The following SLC24A3 variants were observed in gnomAD, a reference collection of about 807,000 sequenced individuals.
SLC24A3 encodes the protein solute carrier family 24 member 3, also known as sodium/potassium/calcium exchanger 3.
A neutral mutation model predicts 75.8 loss-of-function variants in SLC24A3; 28 were observed. That is an observed-to-expected ratio of 0.37 (90% CI 0.27 to 0.51). The LOEUF is 0.51. Among genes scored for constraint, SLC24A3 ranks in the 20% least tolerant of loss-of-function variants. SLC24A3 has a pLI of 0.94. For missense variants in SLC24A3, 663 were observed against 847.8 expected (o/e 0.78, Z 2.71); for synonymous variants, 372 against 334.1 (o/e 1.11, Z -1.24).
At chr20:19,290,820 C>T (rs1042017243) in intron 2 of SLC24A3, among the ~76,000 whole-genome samples, 5 of 152,180 alleles carry the variant, frequency 3.3e-5, no homozygotes, top group African/African-American at 1.2e-4. Context: ...GGGAGACCGC[C>T]AGCCACATGT....
chr20:19,578,861 G>A (rs1045384297), intron 3 of SLC24A3, among the ~76,000 whole-genome samples: 14 of 152,026 alleles, frequency 9.2e-5, no homozygotes, highest in African/African-American at 2.9e-4. Flanking sequence ...GATGTTATCC[G>A]GGGGCTTAGG....
chr20:19,530,686 G>A (rs1274047772), intron 3 of SLC24A3, among the ~76,000 whole-genome samples: 1 of 152,208 alleles, frequency 6.6e-6, no homozygotes, highest in African/African-American at 2.4e-5. Context: ...TCCATCCCTA[G>A]ACAGCAGGGA....
At chr20:19,253,879 A>G (rs963435213) in intron 1 of SLC24A3, among the ~76,000 whole-genome samples, 1 of 152,228 alleles carries the variant, frequency 6.6e-6, no homozygotes, top group African/African-American at 2.4e-5. Context: ...GTCCTCTTCC[A>G]TGGTCCAGTC....
chr20:19,442,679 T>C (rs1323685879), intron 2 of SLC24A3, among the ~76,000 whole-genome samples: 2 of 152,202 alleles, frequency 1.3e-5, no homozygotes, highest in African/African-American at 4.8e-5. Context: ...CTGAGCAGTG[T>C]CTTTCACAAA....
At chr20:19,274,787 C>T (rs568102752) in intron 1 of SLC24A3, among the ~76,000 whole-genome samples, 7 of 152,300 alleles carry the variant, frequency 4.6e-5, no homozygotes, top group Non-Finnish European at 8.8e-5. Context: ...CTGCAGAAGG[C>T]GTCCGCTGGC....
At chr20:19,473,330 T>A (rs1987905503) in intron 2 of SLC24A3, among the ~76,000 whole-genome samples, 1 of 152,154 alleles carries the variant, frequency 6.6e-6, no homozygotes, top group Non-Finnish European at 1.5e-5. Flanking sequence ...AACAGAGGCT[T>A]GGGGTTTATG....
At position 19,364,276 on chromosome 20, in the gene SLC24A3, C is replaced by T. The variant is rs376005228; in HGVS notation, c.271+83189C>T. Among the ~76,000 whole-genome samples the T allele has an allele frequency of 3.7e-4, 57 of 152,206 alleles. No individual in the cohort carries two copies. In the South Asian group the frequency reaches 0.011, roughly 30 times the overall value. ...TGCTTCCACTTCAGCCAGCCGCCCCCCTCCCCTGAGTCTGATGGGACAGTC... is the reference window on the plus strand; with the variant it reads ...TGCTTCCACTTCAGCCAGCCGCCCCTCTCCCCTGAGTCTGATGGGACAGTC... On this transcript the variant is annotated intron_variant, in intron 2 of 16. Transcript: ENST00000328041.
chr20:19,719,630 A>C (rs1248096000), intron 16 of SLC24A3, among the ~76,000 whole-genome samples: 1 of 152,160 alleles, frequency 6.6e-6, no homozygotes, highest in Non-Finnish European at 1.5e-5. Context: ...GGGAAGGATG[A>C]GATGCCTGCT....
At chr20:19,393,991 G>C (rs1166141929) in intron 2 of SLC24A3, among the ~76,000 whole-genome samples, 2 of 152,164 alleles carry the variant, frequency 1.3e-5, no homozygotes, top group Non-Finnish European at 2.9e-5. Context: ...AAACAGTGTA[G>C]TACTTGTGTA....
intron 6 of SLC24A3, among the ~76,000 whole-genome samples, chr20:19,619,155 T>A (rs541224625): frequency 2.0e-5 from 3 of 152,284 alleles, no homozygotes; most frequent in East Asian, 3.9e-4. Flanking sequence ...GCTCAGCAAT[T>A]CCCTTACAGC....
intron 2 of SLC24A3, among the ~76,000 whole-genome samples, chr20:19,488,699 T>A (rs1245994168): frequency 2.0e-5 from 3 of 152,216 alleles, no homozygotes; most frequent in African/African-American, 4.8e-5. Context: ...GATTTTTTTT[T>A]ATTTTGAAAT....
chr20:19,411,731 T>C (rs748761336), intron 2 of SLC24A3, among the ~76,000 whole-genome samples: 10 of 152,370 alleles, frequency 6.6e-5, no homozygotes, highest in South Asian at 2.1e-4. Context: ...TTGTAGGTTA[T>C]GCTTTTGAAG....
intron 15 of SLC24A3, among the ~76,000 whole-genome samples, chr20:19,716,316 AG>A (rs1203811400): frequency 6.6e-6 from 1 of 152,062 alleles, no homozygotes; most frequent in Non-Finnish European, 1.5e-5. Context: ...TTGTCAGCCA[AG>A]TCAGCACCCC....
chr20:19,624,148 G>A (rs1156857565), intron 6 of SLC24A3, among the ~76,000 whole-genome samples: 1 of 152,142 alleles, frequency 6.6e-6, no homozygotes, highest in Non-Finnish European at 1.5e-5. Context: ...TTGTTTTCAA[G>A]TATTTTACCT....
intron 1 of SLC24A3, among the ~76,000 whole-genome samples, chr20:19,240,197 C>T (rs1176854881): frequency 1.3e-5 from 2 of 152,164 alleles, no homozygotes; most frequent in Admixed American, 6.5e-5. Flanking sequence ...GGCTTCAGGT[C>T]ACACTGCAAC....
At chr20:19,411,239 C>T (rs1244147262) in intron 2 of SLC24A3, among the ~76,000 whole-genome samples, 1 of 152,174 alleles carries the variant, frequency 6.6e-6, no homozygotes, top group African/African-American at 2.4e-5. Flanking sequence ...TGAATCTCCC[C>T]ATGTTCCCAA....
In SLC24A3 at chr20:19,708,156, C is replaced by T. The variant is rs187446756; in HGVS notation, c.1720-9372C>T. ...AGCAGCCAAGTATATCAGACCTTGT[C>T]CAAGGTCCTTCTTCTAAGGCCAGCG... On this transcript the variant is annotated intron_variant, in intron 15 of 16. Coordinates refer to ENST00000328041, the MANE Select transcript of SLC24A3 (RefSeq NM_020689.4). 3.9e-5 allele frequency among the ~76,000 whole-genome samples: 6 copies of T among 152,200 alleles called. No individual in the cohort carries two copies. The East Asian group carries it at 9.7e-4, about 25-fold the overall frequency.
At position 19,653,275 on chromosome 20, in the gene SLC24A3, C is replaced by T. The variant is rs376235533; in HGVS notation, c.613-787C>T. On this transcript the variant is annotated intron_variant, in intron 6 of 16. Coordinates refer to ENST00000328041, the MANE Select transcript of SLC24A3 (RefSeq NM_020689.4). Reference sequence around the variant, plus strand: ...AGCCCCCTCCTCTTGCAGGGAAAGGCTGCTTTAGCCTCCAGCAATGTGCCT... The same window carrying T: ...AGCCCCCTCCTCTTGCAGGGAAAGGTTGCTTTAGCCTCCAGCAATGTGCCT... 4.6e-5 allele frequency among the ~76,000 whole-genome samples: 7 copies of T among 152,354 alleles called. No individual in the cohort carries two copies. The East Asian group carries it at 1.2e-3, about 25-fold the overall frequency.
At chr20:19,309,573 T>C (rs113054092) in intron 2 of SLC24A3, among the ~76,000 whole-genome samples, 10,028 of 152,186 alleles carry the variant, frequency 0.066, 1,041 homozygotes, top group African/African-American at 0.23. Context: ...ACACTGAATT[T>C]TGGAAAACGC....
Sources: gnomAD v4.1 joint callset for allele counts (sites outside exome capture counted in the v4.1 genomes callset) on GRCh38, gnomAD v4.1.1 for gene constraint, MANE v1.5 for transcripts, NCBI Gene and HGNC (gene_info 2026-07-23, HGNC 2026-07-21) for gene names.